Variants in RAB2B observed in about 807,000 individuals in gnomAD.
The protein encoded by RAB2B is ras-related protein Rab-2B.
A neutral mutation model predicts 29.8 loss-of-function variants in RAB2B; 20 were observed. The observed-to-expected ratio is 0.67, with a 90% CI of 0.47 to 0.97. RAB2B has a LOEUF of 0.97. Among genes scored for constraint, RAB2B ranks in the 50% least tolerant of loss-of-function variants. The probability of loss-of-function intolerance (pLI) is 0.00; values close to 1 mark genes in which losing one functional copy is unlikely to be tolerated. For missense variants in RAB2B, 218 were observed against 272.0 expected (o/e 0.80, Z 1.40); for synonymous variants, 93 against 91.7 (o/e 1.01, Z -0.08).
intron 6 of RAB2B, 63 bp downstream of exon 6, chr14:21,463,593 A>G: frequency 8.6e-7 from 1 of 1,160,290 alleles, no homozygotes; most frequent in African/African-American, 1.5e-5. Flanking sequence ...GAGAATTCTG[A>G]ATACAAGGAC....
intron 4 of RAB2B, 37 bp downstream of exon 4, chr14:21,468,633 G>T: frequency 6.7e-7 from 1 of 1,491,584 alleles, no homozygotes; most frequent in Non-Finnish European, 9.0e-7. Context: ...GAGGATTTAG[G>T]GAAGAATCTC....
At chr14:21,463,248 CTT>C (rs36047568) in intron 6 of RAB2B, among the ~76,000 whole-genome samples, 11 of 138,532 alleles carry the variant, frequency 7.9e-5, no homozygotes, top group Admixed American at 1.5e-4. Context: ...GACATTCTTT[CTT>C]TTTTTTTTTT....
Position 21,468,450 on chromosome 14 carries a change from C to T in RAB2B, c.270-1G>A. The T allele has an allele frequency of 6.2e-7, 1 of 1,613,628 alleles. No individual in the cohort carries two copies. The highest frequency in any genetic ancestry group is 8.5e-7 in the Non-Finnish European group (1 of 1,179,770). ...GGTCAGGTGGTTGAAGGTTTCACGCCTACAGCAGAAAAATTTAGAATGTGG... is the reference window on the plus strand; with the variant it reads ...GGTCAGGTGGTTGAAGGTTTCACGCTTACAGCAGAAAAATTTAGAATGTGG... On this transcript the variant is annotated splice_acceptor_variant, in intron 4 of 7. Coordinates refer to ENST00000397762, the MANE Select transcript of RAB2B (RefSeq NM_032846.4). LOFTEE classifies it high-confidence loss of function.
chr14:21,476,520 G>A lies in RAB2B; in HGVS notation c.118+8C>T. The A allele has an allele frequency of 1.9e-6, 3 of 1,613,762 alleles. No individual in the cohort carries two copies. Among genetic ancestry groups the A allele is most frequent in the Non-Finnish European group, 2.5e-6 (3 of 1,180,022 alleles). On this transcript the variant is annotated splice_region_variant and intron_variant, in intron 2 of 7. Coordinates refer to ENST00000397762, the MANE Select transcript of RAB2B (RefSeq NM_032846.4). Reference sequence around the variant, plus strand: ...ATCATCTGTTCTGGAACAAGTAGATGCACTTACCTATTGTGAGGTCGTGGA... The same window carrying A: ...ATCATCTGTTCTGGAACAAGTAGATACACTTACCTATTGTGAGGTCGTGGA...
intron 4 of RAB2B, 72 bp from the exon 5 acceptor site, chr14:21,468,521 G>A (rs1486986387): frequency 1.1e-5 from 16 of 1,402,798 alleles, no homozygotes; most frequent in Middle Eastern, 3.5e-4. Flanking sequence ...AAGCGTATAC[G>A]AAAAGAGGGG....
chr14:21,462,437 G>C lies in RAB2B; in HGVS notation c.475-19C>G. ...TGAAGGCCTGAAAGAGACATAAATC[G>C]TATCATCAGTCTCAAGTTCAGGTAG... On this transcript the variant is annotated intron_variant, in intron 6 of 7. Coordinates refer to ENST00000397762, the MANE Select transcript of RAB2B (RefSeq NM_032846.4). The C allele has an allele frequency of 6.2e-7, 1 of 1,601,082 alleles. No individual in the cohort carries two copies. Among genetic ancestry groups the C allele is most frequent in the South Asian group, 1.1e-5 (1 of 89,654 alleles).
rs1353929467 is a variant in RAB2B, at chr14:21,459,133, A to G, written c.*2063T>C. On this transcript the variant is annotated 3_prime_UTR_variant, in exon 8 of 8. Transcript: ENST00000397762. ...GGAAGAGAACGGGACATCAAGGAAA[A>G]AAGATATATATAGCAACCAACCCAG... The G allele has an allele frequency of 2.0e-5, 3 of 152,598 alleles. No homozygotes were observed. The highest frequency in any genetic ancestry group is 4.4e-5 in the Non-Finnish European group (3 of 68,050). 9.5% of individuals were successfully genotyped at this position (152,598 alleles called of 1,614,324 possible).
intron 3 of RAB2B, among the ~76,000 whole-genome samples, chr14:21,470,339 GC>G (rs1890779669): frequency 6.6e-6 from 1 of 152,102 alleles, no homozygotes; most frequent in South Asian, 2.1e-4. Context: ...AAGTGCTAGA[GC>G]CATAATTTAA....
rs570985221 is a variant in RAB2B, at chr14:21,461,003, T to C, written c.*193A>G. ...GGAGGATAAGAAGAACCCTAATCTA[T>C]AGGGAATGCTCATGTCCCTGAAGGA... On this transcript the variant is annotated 3_prime_UTR_variant, in exon 8 of 8. Transcript: ENST00000397762. 6.6e-6 allele frequency: 3 copies of C among 455,788 alleles called. No homozygotes were observed. The highest frequency in any genetic ancestry group is 3.6e-5 in the East Asian group (1 of 27,612). The allele number at this position is 455,788 out of a possible 1,614,324, so 28.2% of individuals were successfully genotyped here.
intron 5 of RAB2B, among the ~76,000 whole-genome samples, chr14:21,466,294 G>C (rs924461547): frequency 6.6e-6 from 1 of 152,122 alleles, no homozygotes; most frequent in East Asian, 1.9e-4. Context: ...AGACCAGCCT[G>C]ATCAACATGG....
rs1485690204 is a variant in RAB2B, at chr14:21,476,959, C to T, written c.-87G>A. On this transcript the variant is annotated 5_prime_UTR_variant, in exon 1 of 8. Transcript: ENST00000397762. ...TCTAGCCACTCAATCTACCGATCTTCTTCTTCTCCCCCTTCCCCCCGCTCC... is the reference window on the plus strand; with the variant it reads ...TCTAGCCACTCAATCTACCGATCTTTTTCTTCTCCCCCTTCCCCCCGCTCC... 7.0e-7 allele frequency: 1 copy of T among 1,435,684 alleles called. No individual in the cohort carries two copies. The highest frequency in any genetic ancestry group is 1.7e-5 in the Admixed American group (1 of 59,028). 88.9% of individuals were successfully genotyped at this position (1,435,684 alleles called of 1,614,324 possible). A position where few individuals can be genotyped will look rare whatever the true frequency, so the allele number is the denominator to read the frequency against.
intron 3 of RAB2B, among the ~76,000 whole-genome samples, chr14:21,469,427 C>T (rs979893606): frequency 1.3e-5 from 2 of 152,180 alleles, no homozygotes; most frequent in Non-Finnish European, 2.9e-5. Flanking sequence ...GAAAGAAGCC[C>T]AGGGCCCAGC....
At chr14:21,474,389 C>T (rs1037630390) in intron 3 of RAB2B, 2 of 159,560 alleles carry the variant, frequency 1.3e-5, no homozygotes, top group African/African-American at 4.8e-5. Context: ...AATATACAAT[C>T]TAAGTCACAC....
chr14:21,472,276 G>A (rs922179660), intron 3 of RAB2B, among the ~76,000 whole-genome samples: 1 of 151,956 alleles, frequency 6.6e-6, no homozygotes, highest in African/African-American at 2.4e-5. Flanking sequence ...ACACACACAC[G>A]ATTTTTTAAA....
chr14:21,465,372 C>A (rs1047717356), intron 5 of RAB2B, among the ~76,000 whole-genome samples: 1 of 152,254 alleles, frequency 6.6e-6, no homozygotes, highest in Non-Finnish European at 1.5e-5. Flanking sequence ...TTGCTGCAGG[C>A]TTCTGTATCT....
chr14:21,470,563 A>G (rs1209947682), intron 3 of RAB2B, among the ~76,000 whole-genome samples: 1 of 152,220 alleles, frequency 6.6e-6, no homozygotes, highest in African/African-American at 2.4e-5. Flanking sequence ...GAAAATAAAA[A>G]CTAATTCTGA....
chr14:21,468,330 C>T, intron 5 of RAB2B, 27 bp downstream of exon 5: 4 of 1,551,126 alleles, frequency 2.6e-6, no homozygotes, highest in African/African-American at 2.7e-5. Context: ...CTCCTGTTAA[C>T]TATTATTCAC....
chr14:21,466,261 G>C (rs927998811), intron 5 of RAB2B, among the ~76,000 whole-genome samples: 1 of 152,106 alleles, frequency 6.6e-6, no homozygotes, highest in Admixed American at 6.5e-5. Context: ...GAGGCAGGCG[G>C]ATCGCCTGAG....
intron 3 of RAB2B, among the ~76,000 whole-genome samples, chr14:21,469,069 G>A (rs1447794317): frequency 6.7e-6 from 1 of 149,772 alleles, no homozygotes; most frequent in Non-Finnish European, 1.5e-5. Context: ...GCACGATAAA[G>A]ACGATGAAGA....
Sources: allele counts gnomAD v4.1 joint callset (sites outside exome capture counted in the v4.1 genomes callset), GRCh38; gene constraint gnomAD v4.1.1; transcripts MANE v1.5; gene names NCBI Gene and HGNC (gene_info 2026-07-23, HGNC 2026-07-21).